The following PCCB variants were observed in gnomAD, a reference collection of about 807,000 sequenced individuals.
PCCB encodes propionyl-CoA carboxylase subunit beta, also known as propionyl-CoA carboxylase beta chain, mitochondrial.
Under a neutral mutation model 60.7 loss-of-function variants are expected in PCCB, and 43 were observed. The ratio of observed to expected loss-of-function variants is 0.71; its 90% CI spans 0.55 to 0.91. The LOEUF (loss-of-function observed/expected upper bound fraction) is 0.91, where lower values mean the gene tolerates loss of function less well. PCCB is among the 40% of genes least tolerant of loss of function. The pLI, the probability that PCCB is intolerant of heterozygous loss-of-function variation, is 0.00. For synonymous variants in PCCB, 276 were observed against 255.9 expected, an observed-to-expected ratio of 1.08 and a Z score of -0.75; for missense variants, 766 against 702.8, an observed-to-expected ratio of 1.09 and a Z score of -1.02.
chr3:136,256,084 GC>G, intron 2 of PCCB, 109 bp downstream of exon 2: 1 of 1,464,000 alleles, frequency 6.8e-7, no homozygotes, highest in Non-Finnish European at 9.5e-7. Context: ...CTCTGCAGAG[GC>G]ACTGCAGACA....
chr3:136,277,874 A>G (rs538930985), intron 5 of PCCB, among the ~76,000 whole-genome samples: 4 of 152,260 alleles, frequency 2.6e-5, no homozygotes, highest in East Asian at 3.9e-4. Context: ...CTTTCAGGCC[A>G]TGCTCCTCCC....
At chr3:136,253,726 A>C (rs1165612340) in intron 1 of PCCB, among the ~76,000 whole-genome samples, 1 of 143,546 alleles carries the variant, frequency 7.0e-6, no homozygotes, top group East Asian at 2.1e-4. Context: ...GCTGGAGGGC[A>C]GTGGTGTAAT....
rs1468618888 is a variant in PCCB at position 136,328,836 on chromosome 3, C to T, written c.1477C>T (p.Pro493Ser). The T allele has an allele frequency of 6.2e-7, 1 of 1,613,916 alleles. No individual in the cohort carries two copies. Among genetic ancestry groups the T allele is most frequent in the South Asian group, 1.1e-5 (1 of 91,082 alleles). Reference protein sequence around the residue: ...QAEYIEKFANPFPAAVRGFVD... With the variant: ...QAEYIEKFANSFPAAVRGFVD... ...AGAGTACATCGAGAAGTTTGCCAAC[C>T]CTTTCCCTGCAGCAGTGCGAGGTAG... The change falls in exon 14 of 15, where the codon CCT (proline) becomes TCT (serine). Residue 493 changes from proline (P) to serine (S), a missense_variant. Pro to Ser is a moderately conservative substitution (Grantham distance 74). Transcript: ENST00000251654.
At chr3:136,316,817 G>T in intron 9 of PCCB, 124 bp from the exon 10 acceptor site, 1 of 1,104,418 alleles carries the variant, frequency 9.1e-7, no homozygotes. Flanking sequence ...GAGAACCTGT[G>T]ATAGAGCTGG....
At chr3:136,293,670 A>G (rs1933802834) in intron 6 of PCCB, 86 bp from the exon 7 acceptor site, 3 of 855,344 alleles carry the variant, frequency 3.5e-6, no homozygotes, top group South Asian at 1.3e-5. Flanking sequence ...TCTTCTCTGC[A>G]TTTGTCATCT....
chr3:136,256,467 T>C, intron 2 of PCCB, 88 bp from the exon 3 acceptor site: 1 of 959,662 alleles, frequency 1.0e-6, no homozygotes, highest in South Asian at 1.3e-5. Context: ...TTGGGTTTTG[T>C]TTTTGTCTTT....
In PCCB at chr3:136,327,250, A is replaced by G; in HGVS notation, c.1294A>G (p.Arg432Gly). 1 of 1,610,330 alleles carries G rather than the reference A, an allele frequency of 6.2e-7. No individual in the cohort carries two copies. The highest frequency in any genetic ancestry group is 8.5e-7 in the Non-Finnish European group (1 of 1,176,468). The change falls in exon 12 of 15, where the codon AGG (arginine) becomes GGG (glycine). Residue 432 changes from arginine to glycine, a missense_variant. Coordinates refer to ENST00000251654, the MANE Select transcript of PCCB (RefSeq NM_000532.5). ...TGTACCCAAAGTCACAGTCATCACCAGGAAGGTGAGGACCTCATGTTGGAG... is the reference window on the plus strand; with the variant it reads ...TGTACCCAAAGTCACAGTCATCACCGGGAAGGTGAGGACCTCATGTTGGAG... ...ATVPKVTVIT[R>G]KAYGGAYDVM...
intron 6 of PCCB, among the ~76,000 whole-genome samples, chr3:136,288,250 A>G (rs1933512017): frequency 6.6e-6 from 1 of 152,168 alleles, no homozygotes; most frequent in African/African-American, 2.4e-5. Context: ...TTGTTGTTAG[A>G]TGAAGTATGT....
Position 136,304,979 on chromosome 3 carries a change from G to A in PCCB, c.966+3868G>A, listed in dbSNP as rs1364628557. Among the ~76,000 whole-genome samples, 12 of 119,510 alleles carry A rather than the reference G, an allele frequency of 1.0e-4. 2 individuals carry two copies. Among genetic ancestry groups the A allele is most frequent in the South Asian group, 3.4e-4 (1 of 2,978 alleles). 78.4% of individuals were successfully genotyped at this position (119,510 alleles called of 152,430 possible). A position where few individuals can be genotyped will look rare whatever the true frequency, so the allele number is the denominator to read the frequency against. The stretch of plus-strand genomic sequence containing the variant: ...TGCTGGGATTACAGGCATGAGCCAC[G>A]GGCGCCAACCCAGCTTTTCCAATTT... On this transcript the variant is annotated intron_variant, in intron 9 of 14. Coordinates refer to ENST00000251654, the MANE Select transcript of PCCB (RefSeq NM_000532.5).
At chr3:136,265,478 TCA>T (rs1941961059) in intron 5 of PCCB, among the ~76,000 whole-genome samples, 1 of 152,220 alleles carries the variant, frequency 6.6e-6, no homozygotes. Flanking sequence ...GTAATATGTA[TCA>T]GTTTGTTCCT....
intron 5 of PCCB, among the ~76,000 whole-genome samples, chr3:136,265,733 C>G (rs1941965491): frequency 6.6e-6 from 1 of 151,856 alleles, no homozygotes; most frequent in African/African-American, 2.4e-5. Context: ...GATGGTTTTC[C>G]AAAACAACTA....
intron 10 of PCCB, among the ~76,000 whole-genome samples, chr3:136,318,605 A>T (rs1008767157): frequency 1.3e-5 from 2 of 152,144 alleles, no homozygotes; most frequent in African/African-American, 4.8e-5. Flanking sequence ...TTCTCTCTCT[A>T]TGAATTTGCC....
chr3:136,268,765 G>A (rs917446839), intron 5 of PCCB, among the ~76,000 whole-genome samples: 5 of 151,958 alleles, frequency 3.3e-5, no homozygotes, highest in Non-Finnish European at 7.4e-5. Flanking sequence ...CACCCAGCCC[G>A]ATCAGCTCTT....
intron 7 of PCCB, among the ~76,000 whole-genome samples, chr3:136,294,703 G>A (rs538741276): frequency 7.2e-5 from 11 of 152,150 alleles, no homozygotes; most frequent in East Asian, 1.9e-4. Context: ...TCAGTCTTCC[G>A]GGCTCAAGTA....
intron 5 of PCCB, among the ~76,000 whole-genome samples, chr3:136,263,804 G>C (rs1422568778): frequency 6.6e-6 from 1 of 152,056 alleles, no homozygotes; most frequent in Non-Finnish European, 1.5e-5. Context: ...TTGACGTCAG[G>C]AGTTCAAGAC....
chr3:136,301,521 T>C (rs1437841432), intron 9 of PCCB, among the ~76,000 whole-genome samples: 3 of 152,060 alleles, frequency 2.0e-5, no homozygotes, highest in African/African-American at 7.2e-5. Flanking sequence ...TCCTAGAAGG[T>C]TGGACTGTGT....
Position 136,250,465 on chromosome 3 carries a change from C to T in PCCB, c.90C>T (p.Ser30=). Residue 30 remains serine, a synonymous_variant, in exon 1 of 15, where the codon AGC becomes AGT. Transcript: ENST00000251654. ...GCGCCGCGGTCCGCAGCCTTTGCAG[C>T]CAGGCCACCTCTGTTAACGAACGCA... The part of the protein sequence containing the change: ...GLRAAVRSLC[S]QATSVNERIE... 1 of 1,610,426 alleles carries T rather than the reference C, an allele frequency of 6.2e-7. No homozygotes were observed. Among genetic ancestry groups the T allele is most frequent in the Non-Finnish European group, 8.5e-7 (1 of 1,178,560 alleles).
chr3:136,267,691 T>C (rs1942043108), intron 5 of PCCB, among the ~76,000 whole-genome samples: 1 of 152,140 alleles, frequency 6.6e-6, no homozygotes, highest in Non-Finnish European at 1.5e-5. Context: ...CCCACTATGT[T>C]GCCCAGGCTG....
At chr3:136,318,863 C>A (rs1935008078) in intron 10 of PCCB, among the ~76,000 whole-genome samples, 1 of 152,134 alleles carries the variant, frequency 6.6e-6, no homozygotes, top group South Asian at 2.1e-4. Context: ...GTGAATAATG[C>A]TGGAATAAAC....
Sources: gnomAD v4.1 joint callset for allele counts (sites outside exome capture counted in the v4.1 genomes callset) on GRCh38, gnomAD v4.1.1 for gene constraint, MANE v1.5 for transcripts, NCBI Gene and HGNC (gene_info 2026-07-23, HGNC 2026-07-21) for gene names.